Variants in GRIK2 observed in about 807,000 individuals in gnomAD.
GRIK2 encodes glutamate receptor ionotropic, kainate 2.
In GRIK2, 32 loss-of-function variants were observed where a neutral mutation model predicts 100.3. The observed-to-expected ratio is 0.32, with a 90% confidence interval of 0.24 to 0.43. GRIK2 has a LOEUF of 0.43. Among genes scored for constraint, GRIK2 ranks in the 20% least tolerant of loss-of-function variants. GRIK2 has a pLI of 1.00. For missense variants in GRIK2, 843 were observed against 1,114.9 expected, an observed-to-expected ratio of 0.76 and a Z score of 3.47; for synonymous variants, 417 against 389.4, an observed-to-expected ratio of 1.07 and a Z score of -0.83.
At chr6:101,497,096 C>T (rs1443694473) in intron 2 of GRIK2, among the ~76,000 whole-genome samples, 2 of 152,202 alleles carry the variant, frequency 1.3e-5, no homozygotes, top group African/African-American at 4.8e-5. Context: ...CCTTTCCACA[C>T]CCCAAGGTAC....
intron 2 of GRIK2, among the ~76,000 whole-genome samples, chr6:101,604,709 CA>C (rs1183159102): frequency 6.6e-6 from 1 of 151,794 alleles, no homozygotes; most frequent in Non-Finnish European, 1.5e-5. Context: ...TTTAAAAAGC[CA>C]ATAATTTATT....
At chr6:101,655,979 A>T (rs781166121) in intron 4 of GRIK2, among the ~76,000 whole-genome samples, 5 of 152,060 alleles carry the variant, frequency 3.3e-5, no homozygotes, top group Admixed American at 6.6e-5. Flanking sequence ...ATTTACGGGA[A>T]AGTGGTAAAG....
chr6:102,009,450 C>T (rs1795406350), intron 14 of GRIK2, among the ~76,000 whole-genome samples: 1 of 151,992 alleles, frequency 6.6e-6, no homozygotes, highest in Non-Finnish European at 1.5e-5. Context: ...ATATGACTTC[C>T]GTTAAGGTTC....
chr6:101,622,342 A>AT (rs1357546283), intron 3 of GRIK2, among the ~76,000 whole-genome samples: 8 of 151,966 alleles, frequency 5.3e-5, no homozygotes, highest in Non-Finnish European at 1.0e-4. Flanking sequence ...TGTTAGTGAA[A>AT]TTTTTTTTCT....
At chr6:101,793,618 CT>C (rs1443486450) in intron 7 of GRIK2, among the ~76,000 whole-genome samples, 1 of 152,140 alleles carries the variant, frequency 6.6e-6, no homozygotes, top group Non-Finnish European at 1.5e-5. Flanking sequence ...TCTGCCCCTA[CT>C]GGGGGGTGCC....
intron 16 of GRIK2, among the ~76,000 whole-genome samples, chr6:102,059,415 C>T (rs1771631821): frequency 6.6e-6 from 1 of 151,044 alleles, no homozygotes; most frequent in African/African-American, 2.4e-5. Context: ...TGCCTTATCT[C>T]TTCTGTGATT....
At chr6:101,955,160 T>C (rs893936412) in intron 14 of GRIK2, among the ~76,000 whole-genome samples, 2 of 152,144 alleles carry the variant, frequency 1.3e-5, no homozygotes, top group African/African-American at 4.8e-5. Flanking sequence ...ATGTAGTTTG[T>C]TTTTCTTGTG....
At chr6:101,711,438 T>C (rs1773687774) in intron 7 of GRIK2, among the ~76,000 whole-genome samples, 1 of 151,800 alleles carries the variant, frequency 6.6e-6, no homozygotes, top group South Asian at 2.1e-4. Flanking sequence ...GTAATATTCA[T>C]GACCATATAC....
At chr6:101,707,204 C>T (rs1208273741) in intron 7 of GRIK2, among the ~76,000 whole-genome samples, 1 of 151,436 alleles carries the variant, frequency 6.6e-6, no homozygotes, top group Non-Finnish European at 1.5e-5. Context: ...TGAATAAGCA[C>T]ATATTCTAAT....
chr6:101,403,813 G>A (rs951090803), intron 2 of GRIK2, among the ~76,000 whole-genome samples: 12 of 152,140 alleles, frequency 7.9e-5, no homozygotes, highest in African/African-American at 2.9e-4. Context: ...GCTACTATCT[G>A]CAACAGATAA....
chr6:101,486,622 T>C (rs1218900286), intron 2 of GRIK2, among the ~76,000 whole-genome samples: 1 of 152,178 alleles, frequency 6.6e-6, no homozygotes, highest in African/African-American at 2.4e-5. Flanking sequence ...GATCTTTTGT[T>C]TATTGAAACT....
At chr6:101,829,258 A>T (rs1418711855) in intron 10 of GRIK2, among the ~76,000 whole-genome samples, 1 of 151,292 alleles carries the variant, frequency 6.6e-6, no homozygotes, top group Non-Finnish European at 1.5e-5. Context: ...AGAAATAAGA[A>T]CTGTCAATGC....
At chr6:101,916,560 G>A (rs1454086290) in intron 12 of GRIK2, among the ~76,000 whole-genome samples, 1 of 151,672 alleles carries the variant, frequency 6.6e-6, no homozygotes, top group Non-Finnish European at 1.5e-5. Context: ...TGTTTTATGG[G>A]AAATGATAAA....
chr6:101,618,342 T>C (rs1779994974), intron 2 of GRIK2, among the ~76,000 whole-genome samples: 1 of 151,674 alleles, frequency 6.6e-6, no homozygotes, highest in South Asian at 2.1e-4. Flanking sequence ...TATTAATTTT[T>C]CATCAGATAC....
intron 14 of GRIK2, among the ~76,000 whole-genome samples, chr6:101,982,358 A>G (rs1454747950): frequency 6.6e-6 from 1 of 151,898 alleles, no homozygotes; most frequent in East Asian, 1.9e-4. Flanking sequence ...TATGGAGTTA[A>G]GTGACAACTC....
intron 7 of GRIK2, among the ~76,000 whole-genome samples, chr6:101,796,372 TG>T (rs1780303606): frequency 6.6e-6 from 1 of 152,240 alleles, no homozygotes; most frequent in African/African-American, 2.4e-5. Context: ...GGCACATTTT[TG>T]TGAGCATTCT....
At chr6:101,809,031 AAT>A (rs1032157516) in intron 9 of GRIK2, among the ~76,000 whole-genome samples, 4 of 151,632 alleles carry the variant, frequency 2.6e-5, no homozygotes, top group African/African-American at 7.2e-5. Context: ...ATTTATAAAT[AAT>A]ATAAAGCAAT....
At chr6:102,010,469 C>T (rs948300470) in intron 14 of GRIK2, among the ~76,000 whole-genome samples, 4 of 151,866 alleles carry the variant, frequency 2.6e-5, no homozygotes, top group South Asian at 2.1e-4. Context: ...CTGCAACCTC[C>T]GCCTCCTGAA....
chr6:102,016,508 A>C (rs1430611683), intron 14 of GRIK2, among the ~76,000 whole-genome samples: 2 of 151,626 alleles, frequency 1.3e-5, no homozygotes, highest in East Asian at 1.9e-4. Flanking sequence ...GTGCACATGT[A>C]CCCTAAAACT....
Sources: allele counts gnomAD v4.1 joint callset (sites outside exome capture counted in the v4.1 genomes callset), GRCh38; gene constraint gnomAD v4.1.1; transcripts MANE v1.5; gene names NCBI Gene and HGNC (gene_info 2026-07-23, HGNC 2026-07-21).